CDH19: variants seen among roughly 807,000 people sequenced by gnomAD.
The protein encoded by CDH19 is cadherin-19.
Under a neutral mutation model 64.2 loss-of-function variants are expected in CDH19, and 67 were observed. That is an observed-to-expected ratio of 1.04 (90% CI 0.86 to 1.28). The LOEUF (loss-of-function observed/expected upper bound fraction) is 1.28, where lower values mean the gene tolerates loss of function less well. Ranked by LOEUF, CDH19 falls within the 50% of genes most tolerant of loss-of-function variation. The pLI is 0.00. For missense variants in CDH19, 1,030 were observed against 929.0 expected (o/e 1.11, Z -1.41); for synonymous variants, 346 against 319.3 (o/e 1.08, Z -0.89).
At chr18:66,585,166 A>G (rs1360362774) in intron 1 of CDH19, among the ~76,000 whole-genome samples, 4 of 152,064 alleles carry the variant, frequency 2.6e-5, no homozygotes, top group Non-Finnish European at 5.9e-5. Flanking sequence ...GAAACGGAAC[A>G]CATACAATAT....
intron 9 of CDH19, among the ~76,000 whole-genome samples, chr18:66,518,296 C>T (rs1296633249): frequency 2.6e-5 from 4 of 151,964 alleles, no homozygotes; most frequent in Admixed American, 2.0e-4. Context: ...TGCAACGGTG[C>T]GATCTCGGCT....
intron 1 of CDH19, among the ~76,000 whole-genome samples, chr18:66,596,611 T>C (rs1169577663): frequency 6.6e-6 from 1 of 152,066 alleles, no homozygotes; most frequent in Non-Finnish European, 1.5e-5. Context: ...GTAATTTCTC[T>C]ATAATGAGAG....
At chr18:66,541,399 T>C (rs1464738463) in intron 7 of CDH19, among the ~76,000 whole-genome samples, 1 of 152,162 alleles carries the variant, frequency 6.6e-6, no homozygotes, top group African/African-American at 2.4e-5. Context: ...AAAGAAGAGA[T>C]ATTATCAAAT....
intron 1 of CDH19, among the ~76,000 whole-genome samples, chr18:66,575,451 C>A (rs1988238346): frequency 6.6e-6 from 1 of 151,800 alleles, no homozygotes; most frequent in African/African-American, 2.4e-5. Context: ...GGGACTGTGT[C>A]CTTGACTGCA....
chr18:66,543,561 G>A (rs936251492), intron 7 of CDH19, among the ~76,000 whole-genome samples: 2 of 152,028 alleles, frequency 1.3e-5, no homozygotes, highest in Non-Finnish European at 2.9e-5. Context: ...AAGACATACA[G>A]AAATATAGAT....
chr18:66,532,413 T>A (rs2144427270), intron 8 of CDH19: 1 of 158,840 alleles, frequency 6.3e-6, no homozygotes, highest in Non-Finnish European at 1.4e-5. Context: ...CAAAACAAAT[T>A]AAAAATTAGA....
chr18:66,530,122 T>C (rs1986386663), intron 8 of CDH19, among the ~76,000 whole-genome samples, 156 bp from the exon 9 acceptor site: 1 of 152,022 alleles, frequency 6.6e-6, no homozygotes, highest in African/African-American at 2.4e-5. Flanking sequence ...CACCTACTTA[T>C]CAACAATAGA....
At position 66,544,836 on chromosome 18, in the gene CDH19, A is replaced by T; in HGVS notation, c.843T>A (p.Tyr281Ter). 6.2e-7 allele frequency: 1 copy of T among 1,612,404 alleles called. No individual in the cohort carries two copies. Among genetic ancestry groups the T allele is most frequent in the Non-Finnish European group, 8.5e-7 (1 of 1,178,654 alleles). The change falls in exon 6 of 12, where the codon TAT becomes TAA. Residue 281 changes from tyrosine to a stop codon, truncating the protein, a stop_gained. Transcript: ENST00000262150. LOFTEE classifies it high-confidence loss of function. ...CTGCATTCTCTCCTATGTCATTATC[A>T]TATGCCATGATTGTTCCTATAGAAG... ...TGTSIGTIMA[Y>*]DNDIGENAEM...
At chr18:66,529,770 T>C (rs1568180555) in intron 9 of CDH19, 75 bp downstream of exon 9, 1 of 714,260 alleles carries the variant, frequency 1.4e-6, no homozygotes, top group East Asian at 4.2e-5. Flanking sequence ...CAATATTGTA[T>C]AATATATGAA....
At chr18:66,562,910 G>A (rs1218451122) in intron 3 of CDH19, among the ~76,000 whole-genome samples, 2 of 151,968 alleles carry the variant, frequency 1.3e-5, no homozygotes, top group Admixed American at 6.6e-5. Flanking sequence ...TAAAACCTGA[G>A]GTAAAGGTAG....
intron 9 of CDH19, among the ~76,000 whole-genome samples, chr18:66,516,693 T>C (rs557157707): frequency 6.6e-6 from 1 of 152,064 alleles, no homozygotes; most frequent in African/African-American, 2.4e-5. Flanking sequence ...CATTGCTGCA[T>C]ATGTGCTGTG....
rs143663414 is a variant in CDH19, at chr18:66,508,753, T to TACAAACTC, written c.1828+241_1828+242insGAGTTTGT. 9.2e-5 allele frequency among the ~76,000 whole-genome samples: 14 copies of TACAAACTC among 151,854 alleles called. No individual in the cohort carries two copies. In the East Asian group the frequency reaches 2.5e-3, roughly 27 times the overall value. ...GAACATGCATAAACAGATGTGTACA[T>TACAAACTC]ACATACTCATACAATTCAAAGATCA... On this transcript the variant is annotated intron_variant, in intron 11 of 11. Transcript: ENST00000262150.
At position 66,603,012 on chromosome 18, in the gene CDH19, C is replaced by T. The variant is rs1349450893; in HGVS notation, c.-113+942G>A. Among the ~76,000 whole-genome samples, 4 of 150,976 alleles carry T rather than the reference C, an allele frequency of 2.6e-5. 1 individual carries two copies. In the South Asian group the frequency reaches 8.4e-4, roughly 32 times the overall value. On this transcript the variant is annotated intron_variant, in intron 1 of 11. Transcript: ENST00000262150. ...ACATCTAAAACATAAATATATATTA[C>T]TAAATTTTCAAATATTTTATCTAAA...
intron 1 of CDH19, among the ~76,000 whole-genome samples, chr18:66,600,445 T>A (rs990630368): frequency 6.6e-6 from 1 of 151,878 alleles, no homozygotes; most frequent in African/African-American, 2.4e-5. Flanking sequence ...CACAAAAAAA[T>A]CTCAATGACA....
At position 66,503,304 on chromosome 18, in the gene CDH19, G is replaced by C. The variant is rs569780285; in HGVS notation, c.*1508C>G. On this transcript the variant is annotated 3_prime_UTR_variant, in exon 12 of 12. Coordinates refer to ENST00000262150, the MANE Select transcript of CDH19 (RefSeq NM_021153.4). ...GCTTAGCATTGATTTCCTTCTTAAGGCTACAATAAATGTATCTATTGCACC... is the reference window on the plus strand; with the variant it reads ...GCTTAGCATTGATTTCCTTCTTAAGCCTACAATAAATGTATCTATTGCACC... 6.6e-6 allele frequency: 1 copy of C among 151,540 alleles called. No homozygotes were observed. Among genetic ancestry groups the C allele is most frequent in the Non-Finnish European group, 1.5e-5 (1 of 67,740 alleles). 9.4% of individuals were successfully genotyped at this position (151,540 alleles called of 1,614,324 possible). A position where few individuals can be genotyped will look rare whatever the true frequency, so the allele number is the denominator to read the frequency against.
At chr18:66,576,756 C>G (rs562540331) in intron 1 of CDH19, among the ~76,000 whole-genome samples, 1 of 151,428 alleles carries the variant, frequency 6.6e-6, no homozygotes, top group East Asian at 1.9e-4. Context: ...TGAGAAGCAT[C>G]TAGATTAAAA....
At chr18:66,517,998 T>C (rs1985813482) in intron 9 of CDH19, among the ~76,000 whole-genome samples, 1 of 151,982 alleles carries the variant, frequency 6.6e-6, no homozygotes, top group South Asian at 2.1e-4. Context: ...ATATGTACTT[T>C]ATATATTGTA....
chr18:66,539,232 A>G (rs1042038148), intron 7 of CDH19, among the ~76,000 whole-genome samples: 1 of 152,166 alleles, frequency 6.6e-6, no homozygotes, highest in Non-Finnish European at 1.5e-5. Flanking sequence ...AAAGAAAACT[A>G]TATTATTTCT....
chr18:66,569,858 T>C (rs1988044646), intron 2 of CDH19, among the ~76,000 whole-genome samples: 1 of 151,660 alleles, frequency 6.6e-6, no homozygotes, highest in Admixed American at 6.6e-5. Context: ...GTAAACAAAT[T>C]CATGATTTTT....
Sources: gnomAD v4.1 joint callset for allele counts (sites outside exome capture counted in the v4.1 genomes callset) on GRCh38, gnomAD v4.1.1 for gene constraint, MANE v1.5 for transcripts, NCBI Gene and HGNC (gene_info 2026-07-23, HGNC 2026-07-21) for gene names.